The following SCHIP1 variants were observed in gnomAD, a reference collection of about 807,000 sequenced individuals.
SCHIP1 encodes schwannomin-interacting protein 1.
Under a neutral mutation model 29.7 loss-of-function variants are expected in SCHIP1, and 8 were observed. The ratio of observed to expected loss-of-function variants is 0.27; its 90% CI spans 0.16 to 0.49. The LOEUF (loss-of-function observed/expected upper bound fraction) is 0.49, where lower values mean the gene tolerates loss of function less well. Ranked by LOEUF, SCHIP1 falls within the 20% of genes least tolerant of loss-of-function variation. The pLI, the probability that SCHIP1 is intolerant of heterozygous loss-of-function variation, is 0.99. For missense variants in SCHIP1, 193 were observed against 294.6 expected (o/e 0.66, Z 2.52); for synonymous variants, 76 against 94.9 (o/e 0.80, Z 1.16).
the SCHIP1 span, among the ~76,000 whole-genome samples, chr3:159,608,723 C>A: frequency 5.3e-5 from 8 of 152,170 alleles, no homozygotes; most frequent in Admixed American, 2.0e-4. Context: ...ACCTGAATGA[C>A]CATGGATAAG....
chr3:159,734,559 T>G, the SCHIP1 span, among the ~76,000 whole-genome samples: 2 of 152,164 alleles, frequency 1.3e-5, no homozygotes, highest in Non-Finnish European at 2.9e-5. Flanking sequence ...TCTTACAACT[T>G]CACACAAGCC....
chr3:159,858,995 A>C (rs1713729266), intron 1 of SCHIP1, among the ~76,000 whole-genome samples: 2 of 152,260 alleles, frequency 1.3e-5, no homozygotes, highest in African/African-American at 4.8e-5. Flanking sequence ...GAAATGGAAA[A>C]TGTCACAAAT....
chr3:159,388,747 C>CA, the SCHIP1 span, among the ~76,000 whole-genome samples: 1 of 152,020 alleles, frequency 6.6e-6, no homozygotes, highest in Non-Finnish European at 1.5e-5. Flanking sequence ...ATATGGACTT[C>CA]ACAGGTTAAC....
chr3:159,626,229 T>G, the SCHIP1 span, among the ~76,000 whole-genome samples: 730 of 102,910 alleles, frequency 7.1e-3, 56 homozygotes, highest in African/African-American at 0.057. Flanking sequence ...TATATATATA[T>G]CTAGATATAT....
At chr3:159,793,375 G>A in the SCHIP1 span, among the ~76,000 whole-genome samples, 1 of 152,154 alleles carries the variant, frequency 6.6e-6, no homozygotes, top group Admixed American at 6.5e-5. Context: ...TATTGTGTCT[G>A]TTGGCCATTT....
the SCHIP1 span, among the ~76,000 whole-genome samples, chr3:159,336,899 T>C: frequency 6.6e-6 from 1 of 152,176 alleles, no homozygotes; most frequent in Non-Finnish European, 1.5e-5. Flanking sequence ...GGTAGCTTGA[T>C]GGGGATGGCA....
At chr3:159,392,394 C>G in the SCHIP1 span, among the ~76,000 whole-genome samples, 36 of 152,172 alleles carry the variant, frequency 2.4e-4, no homozygotes, top group African/African-American at 8.2e-4. Flanking sequence ...AAGTGCCATG[C>G]TGGTGCGCTG....
chr3:159,588,431 T>C, the SCHIP1 span, among the ~76,000 whole-genome samples: 1 of 152,200 alleles, frequency 6.6e-6, no homozygotes, highest in African/African-American at 2.4e-5. Context: ...TTCACTCTGA[T>C]GGTAGTTTCT....
At chr3:159,303,925 G>A in the SCHIP1 span, among the ~76,000 whole-genome samples, 3 of 151,292 alleles carry the variant, frequency 2.0e-5, no homozygotes, top group South Asian at 2.1e-4. Flanking sequence ...GGTTAGTTAC[G>A]TATGTATACA....
At chr3:159,828,294 A>G in the SCHIP1 span, among the ~76,000 whole-genome samples, 1 of 150,128 alleles carries the variant, frequency 6.7e-6, no homozygotes, top group Non-Finnish European at 1.5e-5. Context: ...CCAAAATTTT[A>G]TCAACTCTAG....
At chr3:159,680,697 A>ATTATATGT in the SCHIP1 span, among the ~76,000 whole-genome samples, 1 of 6,594 alleles carries the variant, frequency 1.5e-4, no homozygotes, top group Admixed American at 3.7e-3. Context: ...GTATATATAT[A>ATTATATGT]ATATATATTA....
At chr3:159,666,806 C>A in the SCHIP1 span, among the ~76,000 whole-genome samples, 1 of 152,152 alleles carries the variant, frequency 6.6e-6, no homozygotes, top group South Asian at 2.1e-4. Flanking sequence ...CCCATCTTGG[C>A]CAGAGAGCAA....
At chr3:159,775,099 G>C in the SCHIP1 span, among the ~76,000 whole-genome samples, 66 of 152,236 alleles carry the variant, frequency 4.3e-4, no homozygotes, top group Admixed American at 9.8e-4. Context: ...CAGTGCATTA[G>C]TCTGCAGCTG....
At chr3:159,455,397 A>G in the SCHIP1 span, among the ~76,000 whole-genome samples, 3 of 152,366 alleles carry the variant, frequency 2.0e-5, no homozygotes, top group East Asian at 5.8e-4. Flanking sequence ...ATGGCCAGAG[A>G]AGACAAGCAA....
the SCHIP1 span, among the ~76,000 whole-genome samples, chr3:159,362,825 C>T: frequency 6.6e-6 from 1 of 152,276 alleles, no homozygotes; most frequent in Admixed American, 6.5e-5. Context: ...ACACAGGTGG[C>T]CCCTGAAGAC....
At chr3:159,669,281 G>A in the SCHIP1 span, among the ~76,000 whole-genome samples, 24,966 of 152,140 alleles carry the variant, frequency 0.16, 5,106 homozygotes, top group African/African-American at 0.49. Context: ...TTGTCAAGTC[G>A]TAAGTTTCCT....
chr3:159,657,555 A>C, the SCHIP1 span, among the ~76,000 whole-genome samples: 1 of 152,106 alleles, frequency 6.6e-6, no homozygotes, highest in African/African-American at 2.4e-5. Context: ...AATAAAAGGC[A>C]ACCGGTTTAG....
At chr3:159,830,785 G>C in the SCHIP1 span, among the ~76,000 whole-genome samples, 1 of 152,138 alleles carries the variant, frequency 6.6e-6, no homozygotes, top group Non-Finnish European at 1.5e-5. Flanking sequence ...GAAGTCACAG[G>C]CCAAATTAAG....
At chr3:159,732,419 G>A in the SCHIP1 span, among the ~76,000 whole-genome samples, 3 of 152,224 alleles carry the variant, frequency 2.0e-5, no homozygotes, top group African/African-American at 7.2e-5. Flanking sequence ...GTGCAGGTGA[G>A]TTCCCAAACC....
Sources: gnomAD v4.1 joint callset for allele counts (sites outside exome capture counted in the v4.1 genomes callset) on GRCh38, gnomAD v4.1.1 for gene constraint, MANE v1.5 for transcripts, NCBI Gene and HGNC (gene_info 2026-07-23, HGNC 2026-07-21) for gene names.